The following MED28 variants were observed in gnomAD, a reference collection of about 807,000 sequenced individuals.
MED28 encodes mediator complex subunit 28.
In MED28, 26 loss-of-function variants were observed where a neutral mutation model predicts 21.3. The observed-to-expected ratio is 1.22, with a 90% CI of 0.89 to 1.69. The LOEUF is 1.69. Ranked by LOEUF, MED28 falls within the 40% of genes most tolerant of loss-of-function variation. The pLI is 0.00. For synonymous variants in MED28, 110 were observed against 87.6 expected (o/e 1.26, Z -1.43); for missense variants, 257 against 215.4 (o/e 1.19, Z -1.21).
At chr4:17,623,398 CAA>C (rs397880373) in intron 3 of MED28, among the ~76,000 whole-genome samples, 10 of 113,238 alleles carry the variant, frequency 8.8e-5, no homozygotes, top group South Asian at 6.2e-4. Flanking sequence ...GACTTCGTCT[CAA>C]AAAAAAAAAA....
rs1714791370 is a variant in MED28 at position 17,627,198 on chromosome 4, C to G, written c.*3400C>G. The G allele has an allele frequency of 6.6e-6, 1 of 152,212 alleles. No homozygotes were observed. The highest frequency in any genetic ancestry group is 2.1e-4 in the South Asian group (1 of 4,830). The allele number at this position is 152,212 out of a possible 1,614,324, so 9.4% of individuals were successfully genotyped here. ...GTCTCAATCTGACCTCGTGATCCGC[C>G]TGCCTCTGCCTCCCAAAGGGCTGGG... On this transcript the variant is annotated 3_prime_UTR_variant, in exon 4 of 4. Coordinates refer to ENST00000237380, the MANE Select transcript of MED28 (RefSeq NM_025205.5).
chr4:17,615,783 G>A (rs1156348113), intron 1 of MED28, among the ~76,000 whole-genome samples: 3 of 152,242 alleles, frequency 2.0e-5, no homozygotes, highest in East Asian at 3.9e-4. Context: ...GCACTCCAGC[G>A]TGGGTGACAA....
At chr4:17,615,336 C>CT (rs1018338393) in intron 1 of MED28, among the ~76,000 whole-genome samples, 1 of 152,104 alleles carries the variant, frequency 6.6e-6, no homozygotes, top group Non-Finnish European at 1.5e-5. Flanking sequence ...GACCCAATCT[C>CT]TCAGTTTTGC....
chr4:17,619,843 A>G, intron 1 of MED28, 58 bp from the exon 2 acceptor site: 3 of 1,489,116 alleles, frequency 2.0e-6, no homozygotes, highest in Non-Finnish European at 2.8e-6. Flanking sequence ...CTTCCTCTGG[A>G]GTAAGATTTT....
rs1714386843 is a variant in MED28, at chr4:17,614,680, T to G, written c.26T>G (p.Phe9Cys). The G allele has an allele frequency of 1.2e-6, 2 of 1,613,340 alleles. No individual in the cohort carries two copies. Among genetic ancestry groups the G allele is most frequent in the African/African-American group, 1.3e-5 (1 of 74,948 alleles). The change falls in exon 1 of 4, where the codon TTT becomes TGT. Residue 9 changes from phenylalanine (F) to cysteine (C), a missense_variant. Physicochemically the swap from Phe to Cys is radical, Grantham distance 205. Transcript: ENST00000237380. Reference sequence around the variant, plus strand: ...ATGGCGGCTCCACTAGGGGGTATGTTTTCTGGGCAGCCACCCGGTCCCCCT... The same window carrying G: ...ATGGCGGCTCCACTAGGGGGTATGTGTTCTGGGCAGCCACCCGGTCCCCCT... MAAPLGGM[F>C]SGQPPGPPQA...
In MED28 at chr4:17,627,443, TTCCTCTTTTC is replaced by T. The variant is rs1361254366; in HGVS notation, c.*3651_*3660del. 6.6e-6 allele frequency: 1 copy of T among 152,032 alleles called. No homozygotes were observed. 9.4% of individuals were successfully genotyped at this position (152,032 alleles called of 1,614,324 possible). ...TTCTTTTTCATGCATCTTCCCTTCTTTCCTCTTTTCTCCTCCACCCAAATGTCTTAACTGT... is the reference window on the plus strand; with the variant it reads ...TTCTTTTTCATGCATCTTCCCTTCTTTCCTCCACCCAAATGTCTTAACTGT... On this transcript the variant is annotated 3_prime_UTR_variant, in exon 4 of 4. Coordinates refer to ENST00000237380, the MANE Select transcript of MED28 (RefSeq NM_025205.5).
intron 1 of MED28, among the ~76,000 whole-genome samples, chr4:17,617,869 T>C (rs1714494356): frequency 1.3e-5 from 2 of 151,988 alleles, no homozygotes; most frequent in East Asian, 1.9e-4. Context: ...ATCGTGCCAC[T>C]GACTCTAGCC....
chr4:17,618,367 A>T (rs114665675), intron 1 of MED28, among the ~76,000 whole-genome samples: 3,337 of 152,048 alleles, frequency 0.022, 117 homozygotes, highest in African/African-American at 0.076. Flanking sequence ...ATTTCCTGCC[A>T]CCCTGTCTGG....
At chr4:17,618,897 T>C (rs1022881069) in intron 1 of MED28, among the ~76,000 whole-genome samples, 1 of 152,202 alleles carries the variant, frequency 6.6e-6, no homozygotes, top group Non-Finnish European at 1.5e-5. Context: ...TGATTTACTT[T>C]CTCTGTAAAT....
Position 17,630,313 on chromosome 4 carries a change from G to T in MED28, c.*6515G>T, listed in dbSNP as rs1714886182. ...TCATATGTTGGAACCTAATGTCAAT[G>T]TAATAGTATTAAGAGGTGGGGCTTT... On this transcript the variant is annotated 3_prime_UTR_variant, in exon 4 of 4. Transcript: ENST00000237380. 6.6e-6 allele frequency: 1 copy of T among 152,214 alleles called. No individual in the cohort carries two copies. Among genetic ancestry groups the T allele is most frequent in the Non-Finnish European group, 1.5e-5 (1 of 68,052 alleles). 9.4% of individuals were successfully genotyped at this position (152,214 alleles called of 1,614,324 possible). A position where few individuals can be genotyped will look rare whatever the true frequency, so the allele number is the denominator to read the frequency against.
At position 17,626,463 on chromosome 4, in the gene MED28, AGT is replaced by A. The variant is rs1280159219; in HGVS notation, c.*2670_*2671del. 1 of 152,212 alleles carries A rather than the reference AGT, an allele frequency of 6.6e-6. No homozygotes were observed. The highest frequency in any genetic ancestry group is 1.5e-5 in the Non-Finnish European group (1 of 68,060). 9.4% of individuals were successfully genotyped at this position (152,212 alleles called of 1,614,324 possible). ...GTTTTCACACCCCTCTTCCCTGGTC[AGT>A]GTGTTGATAACAGCCCACCCACCTG... is the stretch of plus-strand genomic sequence containing the variant. On this transcript the variant is annotated 3_prime_UTR_variant, in exon 4 of 4. Transcript: ENST00000237380.
intron 1 of MED28, among the ~76,000 whole-genome samples, chr4:17,619,322 G>A (rs927890485): frequency 6.6e-6 from 1 of 152,280 alleles, no homozygotes; most frequent in African/African-American, 2.4e-5. Context: ...CACTTCCCTT[G>A]TGCCAAGGCA....
At chr4:17,616,206 C>T (rs917986638) in intron 1 of MED28, among the ~76,000 whole-genome samples, 13 of 152,194 alleles carry the variant, frequency 8.5e-5, no homozygotes, top group Non-Finnish European at 1.5e-4. Flanking sequence ...CCACCCGCCT[C>T]GGCCTCCCAA....
rs2108921200 is a variant in MED28 at position 17,628,701 on chromosome 4, G to A, written c.*4903G>A. On this transcript the variant is annotated 3_prime_UTR_variant, in exon 4 of 4. Transcript: ENST00000237380. Reference sequence around the variant, plus strand: ...GACTGAGACAATTGTGACTGGATGTGGTCTGAGAGCAGGCAGTAGGATGAG... The same window carrying A: ...GACTGAGACAATTGTGACTGGATGTAGTCTGAGAGCAGGCAGTAGGATGAG... 1 of 152,322 alleles carries A rather than the reference G, an allele frequency of 6.6e-6. No homozygotes were observed. The highest frequency in any genetic ancestry group is 1.9e-4 in the East Asian group (1 of 5,176). The allele number at this position is 152,322 out of a possible 1,614,324, so 9.4% of individuals were successfully genotyped here.
In MED28 at chr4:17,632,692, C is replaced by CAT; in HGVS notation, c.*8895_*8896dup. ...ATGCAAGAAGCAGCTTAATACCCAC[C>CAT]ATCTTTTCAGGGAAAGATAACTGCT... is the stretch of plus-strand genomic sequence containing the variant. On this transcript the variant is annotated 3_prime_UTR_variant, in exon 4 of 4. Transcript: ENST00000237380. 9.4e-7 allele frequency: 1 copy of CAT among 1,058,758 alleles called. No individual in the cohort carries two copies. Among genetic ancestry groups the CAT allele is most frequent in the Non-Finnish European group, 1.4e-6 (1 of 715,564 alleles). 65.6% of individuals were successfully genotyped at this position (1,058,758 alleles called of 1,614,324 possible).
chr4:17,616,484 G>C (rs544576139), intron 1 of MED28, among the ~76,000 whole-genome samples: 1 of 152,344 alleles, frequency 6.6e-6, no homozygotes, highest in East Asian at 1.9e-4. Context: ...TACAGTGGCT[G>C]CTTGTTGCCC....
Position 17,630,612 on chromosome 4 carries a change from A to T in MED28, c.*6814A>T, listed in dbSNP as rs960178979. 5.9e-5 allele frequency: 9 copies of T among 152,300 alleles called. No individual in the cohort carries two copies. The highest frequency in any genetic ancestry group is 6.8e-3 in the Middle Eastern group (2 of 294). The allele number at this position is 152,300 out of a possible 1,614,324, so 9.4% of individuals were successfully genotyped here. A position where few individuals can be genotyped will look rare whatever the true frequency, so the allele number is the denominator to read the frequency against. On this transcript the variant is annotated 3_prime_UTR_variant, in exon 4 of 4. Transcript: ENST00000237380. ...TAGAGCAGCCTGAACGAACTAAGACACTCTAAGCGGGAAACTCACAAAAAA... is the reference window on the plus strand; with the variant it reads ...TAGAGCAGCCTGAACGAACTAAGACTCTCTAAGCGGGAAACTCACAAAAAA...
Position 17,628,308 on chromosome 4 carries a change from ATATG to A in MED28, c.*4512_*4515del, listed in dbSNP as rs1485627848. 6.9e-6 allele frequency: 1 copy of A among 145,414 alleles called. No homozygotes were observed. The highest frequency in any genetic ancestry group is 1.5e-5 in the Non-Finnish European group (1 of 66,398). The allele number at this position is 145,414 out of a possible 1,614,324, so 9.0% of individuals were successfully genotyped here. ...TGTGTGTGTATGTGTATATGCGTAT[ATATG>A]TGTATGTATGTGTGTATATATATAT... On this transcript the variant is annotated 3_prime_UTR_variant, in exon 4 of 4. Coordinates refer to ENST00000237380, the MANE Select transcript of MED28 (RefSeq NM_025205.5).
In MED28 at chr4:17,633,694, G is replaced by A. The variant is rs1207154053; in HGVS notation, c.*9896G>A. On this transcript the variant is annotated 3_prime_UTR_variant, in exon 4 of 4. Coordinates refer to ENST00000237380, the MANE Select transcript of MED28 (RefSeq NM_025205.5). ...GTCCCCAACATCCCCCAAACCTTGT[G>A]GCAGTTTTTGCATCTGTAGACTGGT... 1 of 1,531,524 alleles carries A rather than the reference G, an allele frequency of 6.5e-7. No homozygotes were observed. Among genetic ancestry groups the A allele is most frequent in the East Asian group, 2.5e-5 (1 of 39,906 alleles). 94.9% of individuals were successfully genotyped at this position (1,531,524 alleles called of 1,614,324 possible). A position where few individuals can be genotyped will look rare whatever the true frequency, so the allele number is the denominator to read the frequency against.
Sources: allele counts gnomAD v4.1 joint callset (sites outside exome capture counted in the v4.1 genomes callset), GRCh38; gene constraint gnomAD v4.1.1; transcripts MANE v1.5; gene names NCBI Gene and HGNC (gene_info 2026-07-23, HGNC 2026-07-21).